TCF4: variants seen among roughly 807,000 people sequenced by gnomAD.
TCF4 encodes the protein transcription factor 4, also known as SL3-3 enhancer factor 2.
A neutral mutation model predicts 82.1 loss-of-function variants in TCF4; 3 were observed. The observed-to-expected ratio is 0.04, with a 90% CI of 0.02 to 0.09. The LOEUF is 0.09. Among genes scored for constraint, TCF4 ranks in the 10% least tolerant of loss-of-function variants. The pLI is 1.00. For synonymous variants in TCF4, 276 were observed against 309.6 expected (o/e 0.89, Z 1.14); for missense variants, 518 against 852.7 (o/e 0.61, Z 4.89).
At chr18:55,444,667 G>GTC (rs978113445) in intron 5 of TCF4, among the ~76,000 whole-genome samples, 5 of 152,172 alleles carry the variant, frequency 3.3e-5, no homozygotes, top group African/African-American at 1.2e-4. Context: ...GGTGGTTCAT[G>GTC]TCTCTCTCTG....
intron 3 of TCF4, among the ~76,000 whole-genome samples, chr18:55,512,767 T>C (rs2096841236): frequency 2.0e-5 from 3 of 152,144 alleles, no homozygotes; most frequent in Admixed American, 2.0e-4. Context: ...ATACATTGCA[T>C]GTGTTTAAAA....
At chr18:55,524,518 G>A (rs2096961344) in intron 3 of TCF4, among the ~76,000 whole-genome samples, 1 of 152,072 alleles carries the variant, frequency 6.6e-6, no homozygotes, top group African/African-American at 2.4e-5. Flanking sequence ...GCCTTTCATG[G>A]TCAAGAAGAC....
intron 6 of TCF4, among the ~76,000 whole-genome samples, chr18:55,362,431 A>AAGGC (rs2085660518): frequency 7.2e-6 from 1 of 138,946 alleles, no homozygotes; most frequent in Non-Finnish European, 1.6e-5. Flanking sequence ...GGAAGGAAGG[A>AAGGC]AGGAAAAAAA....
chr18:55,422,253 T>C, intron 5 of TCF4: 2 of 981,188 alleles, frequency 2.0e-6, no homozygotes, highest in Non-Finnish European at 2.4e-6. Flanking sequence ...TGATGAAGAG[T>C]CGCCAAAAAG....
At chr18:55,508,464 T>C (rs569767266) in intron 3 of TCF4, among the ~76,000 whole-genome samples, 2 of 152,212 alleles carry the variant, frequency 1.3e-5, no homozygotes, top group Non-Finnish European at 2.9e-5. Context: ...CTCTCTAAAT[T>C]TGATCATGCT....
intron 6 of TCF4, among the ~76,000 whole-genome samples, chr18:55,393,169 G>A (rs1038488752): frequency 6.6e-6 from 1 of 152,098 alleles, no homozygotes; most frequent in African/African-American, 2.4e-5. Context: ...ATTTGAGACA[G>A]CCTGGACAAC....
intron 3 of TCF4, among the ~76,000 whole-genome samples, chr18:55,540,348 T>C (rs2097155285): frequency 6.6e-6 from 1 of 152,156 alleles, no homozygotes; most frequent in South Asian, 2.1e-4. Flanking sequence ...CTAATTATGA[T>C]ATTTTGTCTA....
intron 3 of TCF4, among the ~76,000 whole-genome samples, chr18:55,520,499 G>A (rs1286948095): frequency 1.3e-5 from 2 of 152,110 alleles, no homozygotes; most frequent in Non-Finnish European, 2.9e-5. Flanking sequence ...AATGTTCGTT[G>A]TTTTTAAATT....
intron 3 of TCF4, among the ~76,000 whole-genome samples, chr18:55,528,060 A>G (rs931940995): frequency 6.6e-6 from 1 of 152,170 alleles, no homozygotes; most frequent in Non-Finnish European, 1.5e-5. Flanking sequence ...AAAAAAACCA[A>G]AAGTGTATGA....
intron 6 of TCF4, among the ~76,000 whole-genome samples, chr18:55,397,358 C>G (rs945230012): frequency 1.3e-5 from 2 of 152,060 alleles, no homozygotes; most frequent in Admixed American, 1.3e-4. Flanking sequence ...CACAAGGAAA[C>G]GAAATCTAAT....
At chr18:55,358,160 T>A (rs1390022104) in intron 6 of TCF4, among the ~76,000 whole-genome samples, 6 of 152,250 alleles carry the variant, frequency 3.9e-5, no homozygotes, top group Non-Finnish European at 5.9e-5. Flanking sequence ...GTTTTAACTT[T>A]CTACAGTGCC....
Position 55,588,098 on chromosome 18 carries a change from A to C in TCF4, c.-81T>G. ...CGGCGCCGAGGCGGCGTTCATGTCT[A>C]ACCGCCGCCGCCACCGCCGCCGCCT... On this transcript the variant is annotated 5_prime_UTR_variant, in exon 1 of 20. Coordinates refer to ENST00000354452, the MANE Select transcript of TCF4 (RefSeq NM_001083962.2). 8 of 1,018,880 alleles carry C rather than the reference A, an allele frequency of 7.9e-6. No homozygotes were observed. The highest frequency in any genetic ancestry group is 8.2e-6 in the Non-Finnish European group (7 of 856,846). 63.1% of individuals were successfully genotyped at this position (1,018,880 alleles called of 1,614,324 possible). A position where few individuals can be genotyped will look rare whatever the true frequency, so the allele number is the denominator to read the frequency against.
chr18:55,502,348 T>A (rs1013212551), intron 3 of TCF4, among the ~76,000 whole-genome samples: 1 of 152,236 alleles, frequency 6.6e-6, no homozygotes. Context: ...AAACCTTTGC[T>A]CACTGCAGTT....
intron 6 of TCF4, among the ~76,000 whole-genome samples, chr18:55,397,241 C>G (rs2093554010): frequency 1.3e-5 from 2 of 152,156 alleles, no homozygotes; most frequent in Admixed American, 1.3e-4. Flanking sequence ...CACAGCACCC[C>G]CAATGAAGTA....
intron 3 of TCF4, chr18:55,553,304 C>T (rs1341342063): frequency 6.6e-6 from 1 of 152,150 alleles, no homozygotes; most frequent in Non-Finnish European, 1.5e-5. Flanking sequence ...AACATCAAGA[C>T]TCTCAGAGTA....
intron 10 of TCF4, among the ~76,000 whole-genome samples, chr18:55,273,195 A>T (rs1379181906): frequency 6.6e-6 from 1 of 152,188 alleles, no homozygotes; most frequent in Non-Finnish European, 1.5e-5. Flanking sequence ...AAACATCAGT[A>T]ACTTGACAGT....
chr18:55,622,190 CTCT>C (rs10547779), intron 2 of TCF4, among the ~76,000 whole-genome samples: 141,985 of 148,674 alleles, frequency 0.96, 68,119 homozygotes, highest in East Asian at 1. Flanking sequence ...CACACACACC[CTCT>C]TCTTTTCTTT....
intron 13 of TCF4, among the ~76,000 whole-genome samples, chr18:55,259,054 T>C (rs2057486403): frequency 6.6e-6 from 1 of 152,136 alleles, no homozygotes; most frequent in African/African-American, 2.4e-5. Context: ...TCTGAAAGTT[T>C]TGTGGCAATG....
At chr18:55,247,461 T>C (rs1437143371) in intron 15 of TCF4, among the ~76,000 whole-genome samples, 2 of 152,196 alleles carry the variant, frequency 1.3e-5, no homozygotes, top group South Asian at 2.1e-4. Flanking sequence ...TGGATTTCAG[T>C]TGATTACAAA....
Sources: gnomAD v4.1 joint callset for allele counts (sites outside exome capture counted in the v4.1 genomes callset) on GRCh38, gnomAD v4.1.1 for gene constraint, MANE v1.5 for transcripts, NCBI Gene and HGNC (gene_info 2026-07-23, HGNC 2026-07-21) for gene names.